The following TBXAS1 variants were observed in gnomAD, a reference collection of about 807,000 sequenced individuals.
TBXAS1 encodes the protein thromboxane-A synthase.
In TBXAS1, 48 loss-of-function variants were observed where a neutral mutation model predicts 60.7. The observed-to-expected ratio is 0.79, with a 90% CI of 0.63 to 1.01. The LOEUF is 1.01. Among genes scored for constraint, TBXAS1 ranks in the 50% least tolerant of loss-of-function variants. The pLI, the probability that TBXAS1 is intolerant of heterozygous loss-of-function variation, is 0.00. For missense variants in TBXAS1, 685 were observed against 686.3 expected, an observed-to-expected ratio of 1.00 and a Z score of 0.02; for synonymous variants, 287 against 269.7, an observed-to-expected ratio of 1.06 and a Z score of -0.63.
chr7:139,858,555 G>A (rs1318682003), intron 1 of TBXAS1, among the ~76,000 whole-genome samples: 1 of 152,078 alleles, frequency 6.6e-6, no homozygotes, highest in Non-Finnish European at 1.5e-5. Flanking sequence ...TGTCTGTCTG[G>A]TCCACTAGGC....
intron 4 of TBXAS1, among the ~76,000 whole-genome samples, chr7:139,812,031 C>T (rs1798032615): frequency 6.6e-6 from 1 of 152,210 alleles, no homozygotes; most frequent in Non-Finnish European, 1.5e-5. Flanking sequence ...GAAATGCTGG[C>T]CTTGGCACAA....
At chr7:139,943,975 A>G (rs1257653147) in intron 5 of TBXAS1, among the ~76,000 whole-genome samples, 1 of 152,078 alleles carries the variant, frequency 6.6e-6, no homozygotes, top group Non-Finnish European at 1.5e-5. Flanking sequence ...GCCCCAAAAT[A>G]TTGCCCCCAG....
intron 2 of TBXAS1, among the ~76,000 whole-genome samples, chr7:139,781,436 C>G (rs906037479): frequency 6.6e-6 from 1 of 152,128 alleles, no homozygotes; most frequent in African/African-American, 2.4e-5. Context: ...TCCCCATGGA[C>G]AAGAGGGCAG....
intron 6 of TBXAS1, among the ~76,000 whole-genome samples, chr7:139,955,016 C>T (rs918848657): frequency 6.6e-6 from 1 of 152,202 alleles, no homozygotes; most frequent in Admixed American, 6.5e-5. Context: ...TGATGTCTAT[C>T]AGTCAATCAT....
chr7:139,953,611 A>T, intron 6 of TBXAS1, 155 bp downstream of exon 6: 2 of 720,192 alleles, frequency 2.8e-6, no homozygotes, highest in Non-Finnish European at 4.7e-6. Flanking sequence ...AAAAGAAAAG[A>T]AACCCACTTA....
intron 1 of TBXAS1, among the ~76,000 whole-genome samples, chr7:139,863,132 G>A (rs1370744398): frequency 6.6e-6 from 1 of 152,146 alleles, no homozygotes; most frequent in Non-Finnish European, 1.5e-5. Context: ...TATATAAAAA[G>A]TACTAAGCAT....
At chr7:139,899,301 AC>A (rs757193897) in intron 3 of TBXAS1, among the ~76,000 whole-genome samples, 18 of 151,660 alleles carry the variant, frequency 1.2e-4, no homozygotes, top group Admixed American at 8.5e-4. Flanking sequence ...CCTGTAGGTG[AC>A]CCCCTGCCCA....
chr7:139,998,481 T>C (rs1813448420), intron 9 of TBXAS1, among the ~76,000 whole-genome samples: 1 of 152,120 alleles, frequency 6.6e-6, no homozygotes, highest in South Asian at 2.1e-4. Context: ...CTGGATTCAG[T>C]TCCAACTCTA....
At chr7:139,845,920 G>T (rs752811451) in intron 1 of TBXAS1, among the ~76,000 whole-genome samples, 1 of 150,590 alleles carries the variant, frequency 6.6e-6, no homozygotes, top group Non-Finnish European at 1.5e-5. Flanking sequence ...ACCTCCCCAG[G>T]CTCGGGGAAT....
intron 1 of TBXAS1, among the ~76,000 whole-genome samples, chr7:139,860,739 C>T (rs1225227211): frequency 6.6e-6 from 1 of 152,216 alleles, no homozygotes; most frequent in Non-Finnish European, 1.5e-5. Flanking sequence ...GCCTGTAAAC[C>T]AGTGAGGTTG....
chr7:139,944,236 G>C (rs976286083), intron 5 of TBXAS1, among the ~76,000 whole-genome samples: 1 of 152,320 alleles, frequency 6.6e-6, no homozygotes, highest in African/African-American at 2.4e-5. Flanking sequence ...TGTTTTGACA[G>C]AGGGAGAAGG....
rs71170921 is a variant in TBXAS1, at chr7:139,898,413, C to CTTTTTTTTTTTTTTT, written c.237-12794_237-12780dup. Among the ~76,000 whole-genome samples the CTTTTTTTTTTTTTTT allele has an allele frequency of 2.9e-4, 24 of 82,250 alleles. 4 individuals are homozygous for CTTTTTTTTTTTTTTT. Among genetic ancestry groups the CTTTTTTTTTTTTTTT allele is most frequent in the African/African-American group, 1.1e-3 (23 of 20,490 alleles). The allele number at this position is 82,250 out of a possible 152,430, so 54.0% of individuals were successfully genotyped here. ...ATCAGAAGTTTCCCAACGTGCATGGCTTTTTTTTTTTTTTTTTTTTTTTTT... is the reference window on the plus strand; with the variant it reads ...ATCAGAAGTTTCCCAACGTGCATGGCTTTTTTTTTTTTTTTTTTTTTTTTTTTTTTTTTTTTTTTT... On this transcript the variant is annotated intron_variant, in intron 3 of 12. Coordinates refer to ENST00000448866, the MANE Select transcript of TBXAS1 (RefSeq NM_001061.7).
At chr7:139,906,250 T>C (rs1805071339) in intron 3 of TBXAS1, 1 of 169,556 alleles carries the variant, frequency 5.9e-6, no homozygotes, top group Admixed American at 6.4e-5. Context: ...ACAGATGGGG[T>C]TTACCATGTT....
At chr7:139,801,675 A>G (rs750653183) in intron 4 of TBXAS1, among the ~76,000 whole-genome samples, 4 of 151,960 alleles carry the variant, frequency 2.6e-5, no homozygotes, top group Admixed American at 1.3e-4. Context: ...ATACAGTCCT[A>G]TGCTTAGCTT....
chr7:139,850,640 C>A (rs370243223), intron 1 of TBXAS1, among the ~76,000 whole-genome samples: 1 of 152,106 alleles, frequency 6.6e-6, no homozygotes, highest in Non-Finnish European at 1.5e-5. Flanking sequence ...GTCTTTACAG[C>A]GGTAATCAAG....
chr7:139,949,531 T>C (rs1460735591), intron 5 of TBXAS1, among the ~76,000 whole-genome samples: 1 of 152,198 alleles, frequency 6.6e-6, no homozygotes, highest in South Asian at 2.1e-4. Flanking sequence ...AAGGGTAGAC[T>C]GAGACTTCTT....
At chr7:140,006,834 C>T (rs895648499) in intron 9 of TBXAS1, among the ~76,000 whole-genome samples, 10 of 152,172 alleles carry the variant, frequency 6.6e-5, no homozygotes, top group Admixed American at 3.9e-4. Flanking sequence ...CTGTGGTTGC[C>T]GCTGCAGTTT....
chr7:139,800,667 G>A (rs551274481), intron 4 of TBXAS1, among the ~76,000 whole-genome samples: 10 of 152,202 alleles, frequency 6.6e-5, no homozygotes, highest in Admixed American at 3.3e-4. Context: ...AGCTGTCCAC[G>A]CAATGGTCAA....
intron 1 of TBXAS1, among the ~76,000 whole-genome samples, chr7:139,841,932 A>G (rs1309910609): frequency 6.6e-6 from 1 of 152,174 alleles, no homozygotes; most frequent in Non-Finnish European, 1.5e-5. Flanking sequence ...AACGCAACAC[A>G]TCTTTGTGGA....
Sources: allele counts gnomAD v4.1 joint callset (sites outside exome capture counted in the v4.1 genomes callset), GRCh38; gene constraint gnomAD v4.1.1; transcripts MANE v1.5; gene names NCBI Gene and HGNC (gene_info 2026-07-23, HGNC 2026-07-21).